BPIFB3: variants seen among roughly 807,000 people sequenced by gnomAD.
The protein encoded by BPIFB3 is BPI fold-containing family B member 3.
Under a neutral mutation model 53.1 loss-of-function variants are expected in BPIFB3, and 49 were observed. That is an observed-to-expected ratio of 0.92 (90% CI 0.73 to 1.17). BPIFB3 has a LOEUF of 1.17. BPIFB3 is among the 50% of genes most tolerant of loss of function. The pLI, the probability that BPIFB3 is intolerant of heterozygous loss-of-function variation, is 0.00. For missense variants in BPIFB3, 628 were observed against 592.5 expected (o/e 1.06, Z -0.62); for synonymous variants, 271 against 269.6 (o/e 1.01, Z -0.05).
upstream of BPIFB3, chr20:33,055,340 G>T (rs1980143301): frequency 6.4e-7 from 1 of 1,574,290 alleles, no homozygotes; most frequent in African/African-American, 1.3e-5. Flanking sequence ...GGCAGGAAGG[G>T]GGAAGGCTGA....
At chr20:33,064,540 G>T in exon 7 of BPIFB3, 3 of 1,614,012 alleles carry the variant, frequency 1.9e-6, no homozygotes, top group Non-Finnish European at 1.7e-6. Context: ...CATAGAACTG[G>T]ACATCAACGT....
intron 8 of BPIFB3, among the ~76,000 whole-genome samples, chr20:33,066,063 A>C (rs1279443571): frequency 6.6e-6 from 1 of 152,212 alleles, no homozygotes; most frequent in East Asian, 1.9e-4. Flanking sequence ...GGAATGTCAG[A>C]GGCCTCGTCC....
intron 2 of BPIFB3, 110 bp downstream of exon 3, chr20:33,056,808 G>A: frequency 2.2e-6 from 3 of 1,336,422 alleles, no homozygotes; most frequent in Non-Finnish European, 2.0e-6. Flanking sequence ...GGTTGTGTGG[G>A]AGGGTTGTGA....
At chr20:33,055,628 A>T in intron 1 of BPIFB3, 81 bp downstream of exon 2, 1 of 1,573,898 alleles carries the variant, frequency 6.4e-7, no homozygotes. Flanking sequence ...ATCTGCTTTA[A>T]GAGCAGATAA....
intron 12 of BPIFB3, 77 bp from the exon 14 acceptor site, chr20:33,072,027 C>T: frequency 2.7e-6 from 4 of 1,503,452 alleles, no homozygotes; most frequent in Non-Finnish European, 3.7e-6. Flanking sequence ...GGTTTCTCTC[C>T]CTGGGAACGG....
intron 5 of BPIFB3, among the ~76,000 whole-genome samples, chr20:33,062,144 A>G (rs554158065): frequency 7.2e-5 from 11 of 152,200 alleles, no homozygotes; most frequent in Non-Finnish European, 1.5e-4. Flanking sequence ...TTAGCGTGAA[A>G]TGAAAATTGG....
At chr20:33,064,735 C>G (rs1980600104) in exon 8 of BPIFB3, 1 of 1,614,132 alleles carries the variant, frequency 6.2e-7, no homozygotes, top group Non-Finnish European at 8.5e-7. Context: ...CAAGGTGCCC[C>G]CCAAGAAGGA....
intron 12 of BPIFB3, 114 bp from the exon 14 acceptor site, chr20:33,071,990 G>C (rs1980918597): frequency 2.8e-6 from 3 of 1,068,712 alleles, no homozygotes; most frequent in Non-Finnish European, 4.3e-6. Context: ...CTCAGGCTTG[G>C]GGGAGGCTGA....
exon 4 of BPIFB3, chr20:33,059,977 T>C: frequency 1.2e-6 from 2 of 1,614,134 alleles, no homozygotes; most frequent in South Asian, 2.2e-5. Flanking sequence ...GGCACACCCA[T>C]CCTTATCCTC....
rs530928722 is a variant in BPIFB3, at chr20:33,071,293, G to A, written c.1258G>A (p.Asp420Asn). 3.3e-5 allele frequency: 52 copies of A among 1,562,716 alleles called. No homozygotes were observed. Among genetic ancestry groups the A allele is most frequent in the African/African-American group, 1.5e-4 (11 of 74,114 alleles). ...GGCCTCCTCCTTTACCCATGCCTTTGACGTAAGTTCCTGGGAGGGTGAGGG... is the reference window on the plus strand; with the variant it reads ...GGCCTCCTCCTTTACCCATGCCTTTAACGTAAGTTCCTGGGAGGGTGAGGG... The change falls in exon 12 of 15, where the codon GAC becomes AAC. Residue 420 changes from aspartate (D) to asparagine (N), a missense_variant and splice_region_variant. Coordinates refer to ENST00000375494, the Ensembl canonical transcript of BPIFB3.
intron 5 of BPIFB3, among the ~76,000 whole-genome samples, chr20:33,062,476 G>T (rs974018455): frequency 7.2e-5 from 11 of 152,170 alleles, no homozygotes; most frequent in African/African-American, 2.7e-4. Context: ...TGGCAAAACT[G>T]CCCTGGGCTT....
chr20:33,067,571 G>A (rs554067938), intron 9 of BPIFB3, among the ~76,000 whole-genome samples: 183 of 152,290 alleles, frequency 1.2e-3, no homozygotes, highest in Non-Finnish European at 1.9e-3. Context: ...GAATGAGGTC[G>A]GGGCCTCAGC....
At chr20:33,062,953 T>A (rs1600539936) in intron 5 of BPIFB3, among the ~76,000 whole-genome samples, 1 of 152,338 alleles carries the variant, frequency 6.6e-6, no homozygotes, top group South Asian at 2.1e-4. Flanking sequence ...GCTGTGACCT[T>A]GGACAGGCCA....
chr20:33,064,485 C>T (rs1271144463), exon 7 of BPIFB3: 6 of 1,613,952 alleles, frequency 3.7e-6, no homozygotes, highest in Non-Finnish European at 5.1e-6. Context: ...CTCTTGGGTC[C>T]GTGGAATTCT....
chr20:33,055,512 C>T lies in BPIFB3; in HGVS notation c.89C>T (p.Thr30Met), dbSNP rs779209065. The change falls in exon 1 of 15, where the codon ACG becomes ATG. Residue 30 changes from threonine (T) to methionine (M), a missense_variant. Thr to Met is a moderately conservative substitution (Grantham distance 81). Transcript: ENST00000375494. The stretch of plus-strand genomic sequence containing the variant: ...CAGGAGCTGCTAGAGACGGTGGGCA[C>T]GCTCGCTCGGATTGACAAGGATGAA... 18 of 1,613,496 alleles carry T rather than the reference C, an allele frequency of 1.1e-5. No individual in the cohort carries two copies. The East Asian group carries it at 1.3e-4, about 12-fold the overall frequency.
upstream of BPIFB3, among the ~76,000 whole-genome samples, chr20:33,054,481 G>A (rs1316766367): frequency 6.6e-6 from 1 of 152,186 alleles, no homozygotes; most frequent in African/African-American, 2.4e-5. Context: ...AAGGACGGAG[G>A]CCTCTCCAGG....
intron 8 of BPIFB3, among the ~76,000 whole-genome samples, chr20:33,065,468 G>C: frequency 6.6e-6 from 1 of 151,782 alleles, no homozygotes; most frequent in Non-Finnish European, 1.5e-5. Context: ...CTGTGATTAC[G>C]CCACTGCACT....
chr20:33,072,719 G>T (rs140066843), exon 14 of BPIFB3: 1 of 1,612,342 alleles, frequency 6.2e-7, no homozygotes, highest in Non-Finnish European at 8.5e-7. Context: ...TTTCACAGTG[G>T]CCCTGGATGT....
intron 1 of BPIFB3, 68 bp from the exon 3 acceptor site, chr20:33,056,474 G>A (rs1324798512): frequency 1.3e-6 from 2 of 1,564,204 alleles, no homozygotes; most frequent in African/African-American, 2.7e-5. Flanking sequence ...GAGGAAGGAG[G>A]CAGCTGCCAT....
Sources: allele counts gnomAD v4.1 joint callset (sites outside exome capture counted in the v4.1 genomes callset), GRCh38; gene constraint gnomAD v4.1.1; transcripts MANE v1.5; gene names NCBI Gene and HGNC (gene_info 2026-07-23, HGNC 2026-07-21).